RMDN2: variants seen among roughly 807,000 people sequenced by gnomAD.
RMDN2 encodes regulator of microtubule dynamics protein 2.
In RMDN2, 61 loss-of-function variants were observed where a neutral mutation model predicts 52.8. The observed-to-expected ratio is 1.16, with a 90% CI of 0.94 to 1.43. The LOEUF (loss-of-function observed/expected upper bound fraction) is 1.43. Among genes scored for constraint, RMDN2 ranks in the 40% most tolerant of loss-of-function variants. RMDN2 has a pLI of 0.00. For missense variants in RMDN2, 592 were observed against 475.3 expected (o/e 1.25, Z -2.28); for synonymous variants, 180 against 153.1 (o/e 1.18, Z -1.30).
chr2:38,003,438 A>T lies in RMDN2; in HGVS notation c.1045-553A>T, dbSNP rs534689149. Reference sequence around the variant, plus strand: ...CATGGTGGCAGGTACCTGTAATCCCAGCTACTCTGGAGGCCAAGGCAGGAG... The same window carrying T: ...CATGGTGGCAGGTACCTGTAATCCCTGCTACTCTGGAGGCCAAGGCAGGAG... On this transcript the variant is annotated intron_variant, in intron 8 of 10. Coordinates refer to ENST00000354545, the MANE Select transcript of RMDN2 (RefSeq NM_001170791.3). 1.1e-4 allele frequency among the ~76,000 whole-genome samples: 17 copies of T among 152,296 alleles called. No homozygotes were observed. In the East Asian group the frequency reaches 3.1e-3, roughly 28 times the overall value.
chr2:37,972,974 G>A, intron 2 of RMDN2, among the ~76,000 whole-genome samples: 1 of 152,150 alleles, frequency 6.6e-6, no homozygotes. Flanking sequence ...TGCTTTGTTA[G>A]TTTTTTTGTT....
chr2:37,964,328 TTCC>T (rs1558480739), intron 2 of RMDN2, among the ~76,000 whole-genome samples: 2 of 152,246 alleles, frequency 1.3e-5, no homozygotes, highest in African/African-American at 4.8e-5. Flanking sequence ...GGTATAAATT[TTCC>T]TCCTATCACC....
At chr2:38,035,909 A>G (rs750094963) in intron 10 of RMDN2, 1 of 152,158 alleles carries the variant, frequency 6.6e-6, no homozygotes, top group Non-Finnish European at 1.5e-5. Context: ...ATGGTACCAA[A>G]CAGTAATTAC....
intron 10 of RMDN2, among the ~76,000 whole-genome samples, chr2:38,047,107 A>G (rs1681320985): frequency 6.6e-6 from 1 of 152,218 alleles, no homozygotes; most frequent in South Asian, 2.1e-4. Flanking sequence ...AAAAATGAAG[A>G]CAAAATAAAA....
upstream of RMDN2, among the ~76,000 whole-genome samples, chr2:37,924,920 G>A (rs912440837): frequency 6.6e-6 from 1 of 152,256 alleles, no homozygotes. Context: ...GAGGAGTAAA[G>A]TGCAAGGTTG....
intron 8 of RMDN2, among the ~76,000 whole-genome samples, chr2:38,000,471 A>G (rs977823413): frequency 1.3e-5 from 2 of 152,230 alleles, no homozygotes; most frequent in Admixed American, 1.3e-4. Flanking sequence ...TCATCATCCT[A>G]GAGAGTTTTC....
chr2:38,045,230 A>G (rs1232225195), intron 10 of RMDN2, among the ~76,000 whole-genome samples: 2 of 152,110 alleles, frequency 1.3e-5, no homozygotes, highest in Non-Finnish European at 2.9e-5. Flanking sequence ...TCTTCTCTGT[A>G]TATGCTTTTC....
At chr2:38,003,964 T>C in intron 8 of RMDN2, 27 bp from the exon 9 acceptor site, 1 of 1,552,498 alleles carries the variant, frequency 6.4e-7, no homozygotes, top group Non-Finnish European at 8.9e-7. Context: ...TGCCCTGTTA[T>C]TCTCTCATGT....
intron 2 of RMDN2, among the ~76,000 whole-genome samples, chr2:37,959,580 T>C (rs904703469): frequency 6.6e-6 from 1 of 150,912 alleles, no homozygotes; most frequent in African/African-American, 2.5e-5. Flanking sequence ...TCTATTTTGT[T>C]GATCTTTTCA....
chr2:38,053,169 C>A (rs548991010), intron 10 of RMDN2, among the ~76,000 whole-genome samples: 1 of 152,126 alleles, frequency 6.6e-6, no homozygotes, highest in East Asian at 1.9e-4. Context: ...AAAGATTATC[C>A]CTACAATAAC....
intron 10 of RMDN2, among the ~76,000 whole-genome samples, chr2:38,005,501 T>A (rs1676951106): frequency 6.6e-6 from 1 of 152,194 alleles, no homozygotes; most frequent in African/African-American, 2.4e-5. Flanking sequence ...AAATGTCTTC[T>A]TTTGAGAAGT....
chr2:37,969,098 G>T (rs1364704329), intron 2 of RMDN2, among the ~76,000 whole-genome samples: 2 of 150,350 alleles, frequency 1.3e-5, no homozygotes, highest in African/African-American at 4.9e-5. Context: ...TTGTTGCCCA[G>T]TTTACCTGTT....
intron 2 of RMDN2, among the ~76,000 whole-genome samples, chr2:37,941,471 A>G (rs1667780850): frequency 6.6e-6 from 1 of 152,200 alleles, no homozygotes; most frequent in Non-Finnish European, 1.5e-5. Context: ...AGGAATATTT[A>G]AGTCTGCTGA....
chr2:38,045,755 AGCT>A, intron 10 of RMDN2, among the ~76,000 whole-genome samples: 1 of 152,176 alleles, frequency 6.6e-6, no homozygotes, highest in Non-Finnish European at 1.5e-5. Context: ...CTTCTCCCCC[AGCT>A]TAGTTGGTAT....
At chr2:37,964,075 G>C (rs1202156087) in intron 2 of RMDN2, among the ~76,000 whole-genome samples, 1 of 151,314 alleles carries the variant, frequency 6.6e-6, no homozygotes, top group African/African-American at 2.4e-5. Context: ...GCTGCCGGGC[G>C]GAGGCGCTCC....
chr2:37,922,801 T>C (rs1461484276), upstream of RMDN2, among the ~76,000 whole-genome samples: 1 of 152,018 alleles, frequency 6.6e-6, no homozygotes. Context: ...GTTGAAGTGG[T>C]TGAATTGGTT....
intron 10 of RMDN2, among the ~76,000 whole-genome samples, chr2:38,007,293 C>T (rs1052380303): frequency 1.3e-5 from 2 of 152,114 alleles, no homozygotes; most frequent in African/African-American, 4.8e-5. Context: ...CCAGCTCCTC[C>T]TTGTACCTCT....
intron 2 of RMDN2, among the ~76,000 whole-genome samples, chr2:37,932,453 T>C (rs866121216): frequency 2.0e-5 from 3 of 150,610 alleles, no homozygotes; most frequent in Middle Eastern, 6.8e-3. Context: ...AAGTCTCCCA[T>C]GTCTACCTCT....
intron 2 of RMDN2, among the ~76,000 whole-genome samples, chr2:37,968,035 C>G (rs1254514891): frequency 6.6e-6 from 1 of 152,040 alleles, no homozygotes; most frequent in African/African-American, 2.4e-5. Flanking sequence ...TTTTTGAAGT[C>G]CCCTCATACT....
Sources: gnomAD v4.1 joint callset for allele counts (sites outside exome capture counted in the v4.1 genomes callset) on GRCh38, gnomAD v4.1.1 for gene constraint, MANE v1.5 for transcripts, NCBI Gene and HGNC (gene_info 2026-07-23, HGNC 2026-07-21) for gene names.